Variants in PRKN observed in about 807,000 individuals in gnomAD.
PRKN encodes parkin RBR E3 ubiquitin protein ligase.
In PRKN, 56 loss-of-function variants were observed where a neutral mutation model predicts 59.5. That is an observed-to-expected ratio of 0.94 (90% confidence interval 0.76 to 1.18). PRKN has a LOEUF of 1.18. PRKN is among the 50% of genes most tolerant of loss of function. The pLI is 0.00. For synonymous variants in PRKN, 250 were observed against 222.1 expected (o/e 1.13, Z -1.12); for missense variants, 657 against 596.4 (o/e 1.10, Z -1.06).
At chr6:162,429,524 C>T (rs370498182) in intron 2 of PRKN, among the ~76,000 whole-genome samples, 1 of 152,104 alleles carries the variant, frequency 6.6e-6, no homozygotes, top group East Asian at 1.9e-4. Flanking sequence ...GATTTCTCTT[C>T]TCATGAAGCC....
chr6:161,717,043 C>T (rs1443187112), intron 7 of PRKN, among the ~76,000 whole-genome samples: 1 of 152,114 alleles, frequency 6.6e-6, no homozygotes, highest in African/African-American at 2.4e-5. Flanking sequence ...TGGCCAACAC[C>T]CAGCTGTCAG....
rs201523285 is a variant in PRKN, at chr6:162,274,196, T to A, written c.172-11431A>T. Among the ~76,000 whole-genome samples, 274 of 152,136 alleles carry A rather than the reference T, an allele frequency of 1.8e-3. 4 individuals are homozygous for A. In the East Asian group the frequency reaches 0.041, roughly 23 times the overall value. ...TAATTTATTAATGTATTTATTTATT[T>A]ATTTATTTTGTGAGACCAGGTCTCC... On this transcript the variant is annotated intron_variant, in intron 2 of 11. Transcript: ENST00000366898.
At chr6:162,020,079 G>A (rs1322595526) in intron 5 of PRKN, among the ~76,000 whole-genome samples, 1 of 151,760 alleles carries the variant, frequency 6.6e-6, no homozygotes, top group Non-Finnish European at 1.5e-5. Flanking sequence ...AATGTCAGCA[G>A]CACCTGTAAG....
intron 1 of PRKN, among the ~76,000 whole-genome samples, chr6:162,699,654 G>A (rs1023413625): frequency 6.6e-6 from 1 of 152,110 alleles, no homozygotes; most frequent in African/African-American, 2.4e-5. Context: ...AAGTCTCAAT[G>A]ACTGAAAGAA....
At chr6:161,433,822 G>A (rs968369474) in intron 9 of PRKN, among the ~76,000 whole-genome samples, 4 of 151,970 alleles carry the variant, frequency 2.6e-5, no homozygotes, top group South Asian at 2.1e-4. Flanking sequence ...TTCAAGACCC[G>A]CCTGGCCAAC....
chr6:162,203,786 TTC>T (rs1319021459), intron 3 of PRKN, among the ~76,000 whole-genome samples: 1 of 152,162 alleles, frequency 6.6e-6, no homozygotes, highest in East Asian at 1.9e-4. Flanking sequence ...TTAAAATCCT[TTC>T]TCTCTCCTAA....
At position 162,117,974 on chromosome 6, in the gene PRKN, T is replaced by C. The variant is rs1583058175; in HGVS notation, c.535-63800A>G. Among the ~76,000 whole-genome samples the C allele has an allele frequency of 2.0e-5, 3 of 152,210 alleles. No homozygotes were observed. In the East Asian group the frequency reaches 5.8e-4, roughly 29 times the overall value. On this transcript the variant is annotated intron_variant, in intron 4 of 11. Transcript: ENST00000366898. ...AGCCAGGCATGATGGCACACACCTG[T>C]AATCCCAGCTAATTGGGAGGCTGAG...
intron 6 of PRKN, among the ~76,000 whole-genome samples, chr6:161,859,075 G>A (rs1304451474): frequency 1.3e-5 from 2 of 150,952 alleles, no homozygotes; most frequent in African/African-American, 4.9e-5. Flanking sequence ...TCACCATGTT[G>A]GCCAGGCTGG....
At chr6:161,777,921 T>C (rs1277640559) in intron 7 of PRKN, among the ~76,000 whole-genome samples, 1 of 148,728 alleles carries the variant, frequency 6.7e-6, no homozygotes, top group Non-Finnish European at 1.5e-5. Context: ...TATATATATG[T>C]ATGTATATCT....
At chr6:161,505,601 G>A (rs377487765) in intron 9 of PRKN, among the ~76,000 whole-genome samples, 55 of 151,702 alleles carry the variant, frequency 3.6e-4, no homozygotes, top group African/African-American at 1.1e-3. Flanking sequence ...GTCCTTGCCC[G>A]TGCCTATGTC....
chr6:162,137,051 C>A (rs1313062653), intron 4 of PRKN, among the ~76,000 whole-genome samples: 1 of 151,744 alleles, frequency 6.6e-6, no homozygotes, highest in Non-Finnish European at 1.5e-5. Flanking sequence ...CTTATAAGTA[C>A]CTCATTTTTA....
intron 7 of PRKN, among the ~76,000 whole-genome samples, chr6:161,663,308 C>A (rs115444464): frequency 0.023 from 3,568 of 152,238 alleles, 122 homozygotes; most frequent in African/African-American, 0.081. Context: ...TGACACCGGA[C>A]CTTCGACTTT....
chr6:161,361,759 A>G lies in PRKN; in HGVS notation c.1168-1554T>C, dbSNP rs1784984047. ...GATTTGTGAATACTTTGCTAGAATA[A>G]CGTGGAGTCAGCTGCTCGGAGGCAA... On this transcript the variant is annotated intron_variant, in intron 10 of 11. Transcript: ENST00000366898. This position sits in a 1 kb window ranked among gnomAD's most constrained non-coding sequence, Gnocchi z 5.2. Among the ~76,000 whole-genome samples, 3 of 152,204 alleles carry G rather than the reference A, an allele frequency of 2.0e-5. No individual in the cohort carries two copies.
intron 2 of PRKN, among the ~76,000 whole-genome samples, chr6:162,269,344 C>CT (rs1562628376): frequency 6.6e-6 from 1 of 152,172 alleles, no homozygotes; most frequent in East Asian, 1.9e-4. Flanking sequence ...CTCTATGATC[C>CT]TTTAAGCACA....
At chr6:161,961,846 T>G (rs1780391885) in intron 6 of PRKN, among the ~76,000 whole-genome samples, 2 of 152,220 alleles carry the variant, frequency 1.3e-5, no homozygotes. Flanking sequence ...AATGCCTGCA[T>G]GAGACTGCGT....
At position 161,379,400 on chromosome 6, in the gene PRKN, C is replaced by G. The variant is rs1195619325; in HGVS notation, c.1167+7394G>C. Among the ~76,000 whole-genome samples the G allele has an allele frequency of 6.6e-6, 1 of 152,172 alleles. No individual in the cohort carries two copies. Among genetic ancestry groups the G allele is most frequent in the Non-Finnish European group, 1.5e-5 (1 of 68,024 alleles). On this transcript the variant is annotated intron_variant, in intron 10 of 11. Transcript: ENST00000366898. The surrounding 1 kb of genome is among the most constrained non-coding windows in gnomAD (Gnocchi z 4.9). ...GGCAGCATGAGCTACATATAGTTTA[C>G]CCTGCTAACCTTCCATTTGTACATT...
intron 2 of PRKN, among the ~76,000 whole-genome samples, chr6:162,360,516 A>T (rs1269838445): frequency 6.6e-6 from 1 of 152,214 alleles, no homozygotes; most frequent in Admixed American, 6.5e-5. Flanking sequence ...TCTACTCTCG[A>T]TACAGTCAGA....
At chr6:162,482,002 T>C (rs1792330634) in intron 1 of PRKN, among the ~76,000 whole-genome samples, 1 of 152,196 alleles carries the variant, frequency 6.6e-6, no homozygotes, top group Admixed American at 6.5e-5. Context: ...TGGACTCCTA[T>C]TTGCTTTTGC....
At chr6:162,376,172 G>T (rs1236162571) in intron 2 of PRKN, among the ~76,000 whole-genome samples, 1 of 152,046 alleles carries the variant, frequency 6.6e-6, no homozygotes, top group African/African-American at 2.4e-5. Context: ...CCCACTGGAG[G>T]AGGCAGTGAC....
Sources: allele counts gnomAD v4.1 joint callset (sites outside exome capture counted in the v4.1 genomes callset), GRCh38; gene constraint gnomAD v4.1.1; non-coding constraint Gnocchi (gnomAD v3.1); transcripts MANE v1.5; gene names NCBI Gene and HGNC (gene_info 2026-07-23, HGNC 2026-07-21).